ARSL: variants seen among roughly 807,000 people sequenced by gnomAD.
ARSL encodes arylsulfatase L, also known as arylsulfatase E (chondrodysplasia punctata 1).
A neutral mutation model predicts 31.1 loss-of-function variants in ARSL; 4 were observed. The observed-to-expected ratio is 0.13, with a 90% CI of 0.06 to 0.29. The LOEUF is 0.29. Ranked by LOEUF, ARSL falls within the 10% of genes least tolerant of loss-of-function variation. The probability of loss-of-function intolerance (pLI) is 1.00; values close to 1 mark genes in which losing one functional copy is unlikely to be tolerated. For missense variants in ARSL, 312 were observed against 497.8 expected (o/e 0.63, Z 3.55); for synonymous variants, 198 against 209.9 (o/e 0.94, Z 0.49).
At chrX:2,960,995 G>C (rs2089624079) in intron 1 of ARSL, among the ~76,000 whole-genome samples, 1 of 110,063 alleles carries the variant, frequency 9.1e-6, no homozygotes, top group Admixed American at 9.6e-5. Flanking sequence ...GAAGTGGGAG[G>C]ATTTGCTTGA....
intron 1 of ARSL, among the ~76,000 whole-genome samples, chrX:2,962,862 T>C (rs906157315): frequency 9.0e-6 from 1 of 111,471 alleles, no homozygotes; most frequent in African/African-American, 3.3e-5. Flanking sequence ...TTGCCTCCTT[T>C]GGAAAGGCTC....
chrX:2,945,938 TC>T lies in ARSL; in HGVS notation c.991+59del, dbSNP rs758182291. The T allele has an allele frequency of 1.6e-4, 191 of 1,190,100 alleles. 1 individual carries two copies. In the African/African-American group the frequency reaches 2.6e-3, roughly 16 times the overall value. The stretch of plus-strand genomic sequence containing the variant: ...GTCTTTAACCTTCTCATTCTTTGTT[TC>T]CTTTCCTGCTTCTATTGCTGGAAGG... On this transcript the variant is annotated intron_variant, in intron 7 of 10. Coordinates refer to ENST00000381134, the MANE Select transcript of ARSL (RefSeq NM_000047.3).
At chrX:2,962,430 G>C (rs1256405786) in intron 1 of ARSL, among the ~76,000 whole-genome samples, 4 of 111,696 alleles carry the variant, frequency 3.6e-5, no homozygotes, top group Admixed American at 9.5e-5. Context: ...CGGCCAGTGA[G>C]TGAGGACACA....
intron 8 of ARSL, among the ~76,000 whole-genome samples, chrX:2,941,094 A>C (rs2089274049): frequency 9.0e-6 from 1 of 110,759 alleles, no homozygotes; most frequent in Admixed American, 9.7e-5. Context: ...AGGCCGTGAC[A>C]GGAAGCGGGA....
chrX:2,939,864 C>CT (rs35373572), intron 8 of ARSL, among the ~76,000 whole-genome samples: 913 of 55,321 alleles, frequency 0.017, 4 homozygotes, highest in African/African-American at 0.022. Flanking sequence ...ACCCTTCTAC[C>CT]TTTTTTTTTT....
chrX:2,938,018 CA>C, intron 9 of ARSL, 76 bp downstream of exon 9: 1 of 1,196,840 alleles, frequency 8.4e-7, no homozygotes, highest in Non-Finnish European at 1.1e-6. Flanking sequence ...ACTGCAAAGC[CA>C]AAGTGACATG....
intron 5 of ARSL, 21 bp from the exon 6 acceptor site, chrX:2,949,748 T>C (rs765562953): frequency 1.4e-5 from 17 of 1,201,031 alleles, no homozygotes; most frequent in Admixed American, 2.2e-5. Flanking sequence ...AAAAGGATGT[T>C]GATGTGACAA....
At chrX:2,944,219 G>A (rs929354119) in intron 7 of ARSL, among the ~76,000 whole-genome samples, 4 of 108,867 alleles carry the variant, frequency 3.7e-5, no homozygotes, top group East Asian at 2.9e-4. Flanking sequence ...ACTTTGGGAG[G>A]CTGAGGCGGG....
rs778096190 is a variant in ARSL, at chrX:2,940,988, G to A, written c.1126+2077C>T. 2.7e-5 allele frequency among the ~76,000 whole-genome samples: 3 copies of A among 111,220 alleles called. No individual in the cohort carries two copies. In the South Asian group the frequency reaches 1.1e-3, roughly 42 times the overall value. On this transcript the variant is annotated intron_variant, in intron 8 of 10. Transcript: ENST00000381134. ...AATTTTACGAATGAAAATAGTGATT[G>A]TAAAACAAAAATAAAATTCTAAGGA...
intron 10 of ARSL, among the ~76,000 whole-genome samples, chrX:2,935,413 G>T (rs991098909): frequency 4.5e-5 from 5 of 112,014 alleles, no homozygotes; most frequent in African/African-American, 1.6e-4. Flanking sequence ...AAAATACTAC[G>T]CTCAGAGAAA....
intron 3 of ARSL, among the ~76,000 whole-genome samples, chrX:2,956,762 C>T (rs1416456871): frequency 9.2e-6 from 1 of 109,225 alleles, no homozygotes; most frequent in Non-Finnish European, 1.9e-5. Flanking sequence ...CCACGGCCAG[C>T]CTACTTTTTG....
chrX:2,955,398 T>C lies in ARSL; in HGVS notation c.307+18A>G, dbSNP rs769957768. Reference sequence around the variant, plus strand: ...TACACCAGGCTGCACCCTAGTGCAGTTGTAAAGAGAGACTGACCTGATCGC... The same window carrying C: ...TACACCAGGCTGCACCCTAGTGCAGCTGTAAAGAGAGACTGACCTGATCGC... On this transcript the variant is annotated intron_variant, in intron 4 of 10. Transcript: ENST00000381134. The C allele has an allele frequency of 2.5e-6, 3 of 1,211,405 alleles. No individual in the cohort carries two copies. The highest frequency in any genetic ancestry group is 3.0e-5 in the East Asian group (1 of 33,828).
At chrX:2,941,895 G>A (rs1447019469) in intron 8 of ARSL, among the ~76,000 whole-genome samples, 2 of 112,457 alleles carry the variant, frequency 1.8e-5, no homozygotes, top group East Asian at 2.8e-4. Flanking sequence ...TCTTTTCATC[G>A]ACATGATGAT....
intron 2 of ARSL, 45 bp from the exon 3 acceptor site, chrX:2,958,480 C>T (rs1182805867): frequency 7.6e-6 from 9 of 1,189,977 alleles, no homozygotes; most frequent in Non-Finnish European, 9.1e-6. Context: ...ATTTGCAGAA[C>T]TTGTGTATGG....
At chrX:2,956,776 CAG>C (rs1373394168) in intron 3 of ARSL, among the ~76,000 whole-genome samples, 2 of 109,062 alleles carry the variant, frequency 1.8e-5, no homozygotes, top group Non-Finnish European at 3.8e-5. Context: ...CTTTTTGAAA[CAG>C]GGTCTCTGTC....
intron 8 of ARSL, among the ~76,000 whole-genome samples, chrX:2,939,002 A>G (rs1023320903): frequency 9.2e-6 from 1 of 109,011 alleles, no homozygotes; most frequent in Non-Finnish European, 1.9e-5. Context: ...TAGAGCATCC[A>G]GAAAGAAGTG....
chrX:2,955,303 A>AAC (rs1217865144), intron 4 of ARSL, 113 bp downstream of exon 4: 2 of 963,634 alleles, frequency 2.1e-6, no homozygotes, highest in Non-Finnish European at 2.9e-6. Flanking sequence ...AGATAGAGAG[A>AAC]ACACCCCCCA....
Position 2,936,766 on chromosome X carries a change from C to T in ARSL, c.1387G>A (p.Ala463Thr), listed in dbSNP as rs1131691809. The change falls in exon 10 of 11, where the codon GCA (alanine) becomes ACA (threonine). Residue 463 changes from alanine to threonine, a missense_variant. Physicochemically the swap from Ala to Thr is moderately conservative, Grantham distance 58. Transcript: ENST00000381134. ...LMHYCERFLH[A>T]ARWHQRDRGT... ...CTGTCCCGTTGATGCCACCTGGCTG[C>T]GTGCAGAAACCTCTCACAATAATGC... The T allele has an allele frequency of 2.5e-6, 3 of 1,211,075 alleles. No homozygotes were observed. Among genetic ancestry groups the T allele is most frequent in the East Asian group, 3.0e-5 (1 of 33,802 alleles).
intron 3 of ARSL, among the ~76,000 whole-genome samples, chrX:2,957,220 C>CAAACA (rs2089537782): frequency 1.1e-5 from 1 of 90,933 alleles, no homozygotes; most frequent in African/African-American, 4.1e-5. Context: ...GACTCCGTCT[C>CAAACA]AAAAAAAAAA....
Sources: allele counts gnomAD v4.1 joint callset (sites outside exome capture counted in the v4.1 genomes callset), GRCh38; gene constraint gnomAD v4.1.1; transcripts MANE v1.5; gene names NCBI Gene and HGNC (gene_info 2026-07-23, HGNC 2026-07-21).